The following MFSD12 variants were observed in gnomAD, a reference collection of about 807,000 sequenced individuals.
The protein encoded by MFSD12 is major facilitator superfamily domain-containing protein 12.
In MFSD12, 67 loss-of-function variants were observed where a neutral mutation model predicts 51.2. The observed-to-expected ratio is 1.31, with a 90% CI of 1.08 to 1.60. The LOEUF is 1.60. Ranked by LOEUF, MFSD12 falls within the 40% of genes most tolerant of loss-of-function variation. The pLI is 0.00. For synonymous variants in MFSD12, 441 were observed against 316.7 expected, an observed-to-expected ratio of 1.39 and a Z score of -4.17; for missense variants, 921 against 673.0, an observed-to-expected ratio of 1.37 and a Z score of -4.08.
chr19:3,544,293 C>T lies in MFSD12; in HGVS notation c.*417G>A. Reference sequence around the variant, plus strand: ...GGTGGGGTCCAGGCCCAGCCCACCACCCCGTGGCTGTCTCCTCCAGGCTCC... The same window carrying T: ...GGTGGGGTCCAGGCCCAGCCCACCATCCCGTGGCTGTCTCCTCCAGGCTCC... On this transcript the variant is annotated 3_prime_UTR_variant, in exon 10 of 10. Coordinates refer to ENST00000355415, the MANE Select transcript of MFSD12 (RefSeq NM_174983.5). The T allele has an allele frequency of 7.8e-7, 1 of 1,286,012 alleles. No individual in the cohort carries two copies. Among genetic ancestry groups the T allele is most frequent in the Non-Finnish European group, 9.8e-7 (1 of 1,016,992 alleles). The allele number at this position is 1,286,012 out of a possible 1,614,324, so 79.7% of individuals were successfully genotyped here.
At chr19:3,555,124 T>G (rs1638540) in intron 1 of MFSD12, among the ~76,000 whole-genome samples, 78,606 of 152,046 alleles carry the variant, frequency 0.52, 20,756 homozygotes, top group East Asian at 0.84. Context: ...TGTTGTTGTT[T>G]TTTGTTTTTT....
chr19:3,541,447 T>G (rs187010219), downstream of MFSD12: 4 of 148,432 alleles, frequency 2.7e-5, no homozygotes, highest in African/African-American at 9.8e-5. Flanking sequence ...CTCAGCCTCC[T>G]GAGTAGCTGG....
At chr19:3,542,602 T>A (rs182355393), downstream of MFSD12, 100 of 735,552 alleles carry the variant, frequency 1.4e-4, no homozygotes, top group African/African-American at 1.7e-3. Context: ...GCCTCCTGAG[T>A]AGCTGGGATT....
At chr19:3,543,160 C>G, downstream of MFSD12, 2 of 1,517,192 alleles carry the variant, frequency 1.3e-6, no homozygotes, top group Non-Finnish European at 1.8e-6. Flanking sequence ...ATCATCCACC[C>G]TGGCAGACAT....
At position 3,544,389 on chromosome 19, in the gene MFSD12, G is replaced by C; in HGVS notation, c.*321C>G. The stretch of plus-strand genomic sequence containing the variant: ...GGAGGTGAGGGGTGAACTGGACTGA[G>C]CTCAGGGTTAGGGTTCCCCCAGACC... On this transcript the variant is annotated 3_prime_UTR_variant, in exon 10 of 10. Transcript: ENST00000355415. 7.7e-7 allele frequency: 1 copy of C among 1,302,158 alleles called. No individual in the cohort carries two copies. Among genetic ancestry groups the C allele is most frequent in the Non-Finnish European group, 9.7e-7 (1 of 1,025,856 alleles). The allele number at this position is 1,302,158 out of a possible 1,614,324, so 80.7% of individuals were successfully genotyped here.
At chr19:3,542,929 T>C (rs767859688), downstream of MFSD12, 5 of 1,460,210 alleles carry the variant, frequency 3.4e-6, no homozygotes, top group African/African-American at 4.2e-5. Context: ...AATCCAGGAG[T>C]AGCCAGGGCC....
rs764002370 is a variant in MFSD12 at position 3,557,158 on chromosome 19, G to T, written c.246C>A (p.Arg82=). 9 of 1,521,810 alleles carry T rather than the reference G, an allele frequency of 5.9e-6. No individual in the cohort carries two copies. The highest frequency in any genetic ancestry group is 7.0e-6 in the Non-Finnish European group (8 of 1,136,822). 94.3% of individuals were successfully genotyped at this position (1,521,810 alleles called of 1,614,324 possible). A position where few individuals can be genotyped will look rare whatever the true frequency, so the allele number is the denominator to read the frequency against. Residue 82 remains arginine (R), a synonymous_variant, in exon 1 of 10, where the codon CGC becomes CGA. Transcript: ENST00000355415. ...CGTAGCGGGCGCAGCAGCTGGCGGC[G>T]CGGTCGGCCTCGTAGCCCACGAGCG... ...CTPLVGYEAD[R]AASCCARYGP...
At chr19:3,543,011 G>A (rs2030554263), downstream of MFSD12, 2 of 1,602,304 alleles carry the variant, frequency 1.2e-6, no homozygotes, top group Non-Finnish European at 1.7e-6. Context: ...TGACTTGGGT[G>A]CTTGGGGTGC....
chr19:3,547,875 G>C lies in MFSD12; in HGVS notation c.810C>G (p.His270Gln). 6.5e-7 allele frequency: 1 copy of C among 1,534,834 alleles called. No homozygotes were observed. The highest frequency in any genetic ancestry group is 1.2e-5 in the South Asian group (1 of 81,282). ...ATAQPLLLWK[H>Q]WLREPAFYQV... Reference sequence around the variant, plus strand: ...GGTAGAAAGCCGGCTCCCGGAGCCAGTGCTTCCAGAGCAGCAGGGGCTGGG... The same window carrying C: ...GGTAGAAAGCCGGCTCCCGGAGCCACTGCTTCCAGAGCAGCAGGGGCTGGG... The change falls in exon 4 of 10, where the codon CAC becomes CAG. Residue 270 changes from histidine (H) to glutamine (Q), a missense_variant. Coordinates refer to ENST00000355415, the MANE Select transcript of MFSD12 (RefSeq NM_174983.5).
chr19:3,548,398 G>T, intron 2 of MFSD12, 131 bp from the exon 3 acceptor site: 1 of 1,249,130 alleles, frequency 8.0e-7, no homozygotes, highest in Non-Finnish European at 1.1e-6. Flanking sequence ...TGCCACACTG[G>T]GTGGCCTCCA....
chr19:3,545,025 G>T, intron 8 of MFSD12, 86 bp from the exon 9 acceptor site: 3 of 1,486,436 alleles, frequency 2.0e-6, no homozygotes, highest in South Asian at 1.3e-5. Flanking sequence ...CCTCACCCCC[G>T]ACAGCGGCTC....
At position 3,549,272 on chromosome 19, in the gene MFSD12, G is replaced by GCCCAT. The variant is rs1014745919; in HGVS notation, c.510-1010_510-1006dup. Among the ~76,000 whole-genome samples, 12 of 152,318 alleles carry GCCCAT rather than the reference G, an allele frequency of 7.9e-5. No homozygotes were observed. In the East Asian group the frequency reaches 1.2e-3, roughly 15 times the overall value. The stretch of plus-strand genomic sequence containing the variant: ...TTCTAAGGCAGCCCCAGAGAGGCCT[G>GCCCAT]CCCATCCCATCCCCTCCCCGTGGCA... On this transcript the variant is annotated intron_variant, in intron 2 of 9. Coordinates refer to ENST00000355415, the MANE Select transcript of MFSD12 (RefSeq NM_174983.5).
chr19:3,543,486 C>CCT (rs781311214), downstream of MFSD12: 10 of 1,518,246 alleles, frequency 6.6e-6, no homozygotes, highest in African/African-American at 1.4e-5. Context: ...GAGTGCCCCC[C>CCT]CCCCCGCCCT....
chr19:3,541,855 C>G, downstream of MFSD12: 1 of 945,136 alleles, frequency 1.1e-6, no homozygotes, highest in Non-Finnish European at 1.3e-6. Context: ...CTCACCCAGG[C>G]TGGAGTGCAG....
chr19:3,543,267 G>A, downstream of MFSD12: 2 of 1,547,214 alleles, frequency 1.3e-6, no homozygotes, highest in Non-Finnish European at 1.7e-6. Flanking sequence ...GGTTCCCGCT[G>A]GCCACCAGCC....
In MFSD12 at chr19:3,551,942, T is replaced by C. The variant is rs912912875; in HGVS notation, c.299-748A>G. Among the ~76,000 whole-genome samples the C allele has an allele frequency of 6.6e-6, 1 of 152,102 alleles. No individual in the cohort carries two copies. The highest frequency in any genetic ancestry group is 2.4e-5 in the African/African-American group (1 of 41,416). On this transcript the variant is annotated intron_variant, in intron 1 of 9. Transcript: ENST00000355415. The surrounding 1 kb of genome is among the most constrained non-coding windows in gnomAD (Gnocchi z 4.6). ...GCCTTTGCATGGGCGTGCCTCTGCC[T>C]AGAGCTCTCTCTCACATCTTAGCAA...
chr19:3,556,812 T>G (rs935335172), intron 1 of MFSD12, among the ~76,000 whole-genome samples: 3 of 106,300 alleles, frequency 2.8e-5, no homozygotes, highest in East Asian at 1.2e-3. Context: ...GGCTGGGTGG[T>G]GGGACTGATG....
At chr19:3,543,933 C>A (rs375213857), downstream of MFSD12, 2 of 1,551,102 alleles carry the variant, frequency 1.3e-6, no homozygotes, top group African/African-American at 1.4e-5. Flanking sequence ...CCAGAACTAC[C>A]GGGAGTGGGT....
downstream of MFSD12, chr19:3,542,310 A>G: frequency 1.1e-5 from 11 of 985,416 alleles, no homozygotes; most frequent in Middle Eastern, 5.2e-4. Flanking sequence ...GGATTTAAGC[A>G]GAGTTCCTGC....
Sources: allele counts gnomAD v4.1 joint callset (sites outside exome capture counted in the v4.1 genomes callset), GRCh38; gene constraint gnomAD v4.1.1; non-coding constraint Gnocchi (gnomAD v3.1); transcripts MANE v1.5; gene names NCBI Gene and HGNC (gene_info 2026-07-23, HGNC 2026-07-21).